Variants in GASK1A observed in about 807,000 individuals in gnomAD.
GASK1A encodes the protein golgi associated kinase 1A.
Under a neutral mutation model 41.2 loss-of-function variants are expected in GASK1A, and 40 were observed. The observed-to-expected ratio is 0.97, with a 90% CI of 0.75 to 1.27. The LOEUF is 1.27. Among genes scored for constraint, GASK1A ranks in the 50% most tolerant of loss-of-function variants. The pLI is 0.00. For missense variants in GASK1A, 678 were observed against 745.1 expected (o/e 0.91, Z 1.05); for synonymous variants, 316 against 307.1 (o/e 1.03, Z -0.30).
At chr3:43,002,245 T>G (rs555661036) in intron 1 of GASK1A, among the ~76,000 whole-genome samples, 2 of 152,274 alleles carry the variant, frequency 1.3e-5, no homozygotes, top group Admixed American at 6.5e-5. Flanking sequence ...TTTATTTTGT[T>G]GAGACAAAAG....
intron 1 of GASK1A, among the ~76,000 whole-genome samples, chr3:42,997,165 G>A (rs559516071): frequency 1.3e-5 from 2 of 152,262 alleles, no homozygotes; most frequent in East Asian, 3.9e-4. Context: ...TTTTCTTCCT[G>A]CCCACCCTCT....
At chr3:42,986,464 G>C (rs546772597) in intron 1 of GASK1A, among the ~76,000 whole-genome samples, 2 of 152,280 alleles carry the variant, frequency 1.3e-5, no homozygotes, top group African/African-American at 4.8e-5. Context: ...CAGGTTTACT[G>C]TATGTAAATT....
chr3:43,016,809 G>A (rs1238232098), intron 1 of GASK1A, among the ~76,000 whole-genome samples: 1 of 151,872 alleles, frequency 6.6e-6, no homozygotes, highest in Non-Finnish European at 1.5e-5. Flanking sequence ...GAATGTCACA[G>A]GAAGGGGCCA....
At chr3:43,050,619 C>G (rs2089684475) in intron 2 of GASK1A, among the ~76,000 whole-genome samples, 2 of 151,976 alleles carry the variant, frequency 1.3e-5, no homozygotes, top group Admixed American at 1.3e-4. Flanking sequence ...CATCATCCTC[C>G]CTTCCTTTTA....
At chr3:43,025,623 C>T (rs2089543294) in intron 1 of GASK1A, among the ~76,000 whole-genome samples, 1 of 152,172 alleles carries the variant, frequency 6.6e-6, no homozygotes, top group Non-Finnish European at 1.5e-5. Context: ...GCACTCGATT[C>T]ACACAAAGCT....
chr3:42,996,630 G>T (rs1223571891), intron 1 of GASK1A, among the ~76,000 whole-genome samples: 1 of 152,256 alleles, frequency 6.6e-6, no homozygotes, highest in Non-Finnish European at 1.5e-5. Flanking sequence ...CCACAGTGGA[G>T]TTGGGATCAA....
intron 1 of GASK1A, among the ~76,000 whole-genome samples, chr3:43,005,106 T>C (rs2089429480): frequency 6.6e-6 from 1 of 152,204 alleles, no homozygotes; most frequent in Admixed American, 6.5e-5. Flanking sequence ...GCCTTCTTGC[T>C]TCCCTCTTAA....
chr3:43,006,310 G>A (rs1482986862), intron 1 of GASK1A, among the ~76,000 whole-genome samples: 2 of 152,012 alleles, frequency 1.3e-5, no homozygotes, highest in African/African-American at 4.8e-5. Flanking sequence ...TGCATCCCAT[G>A]TCTTCCTCTT....
chr3:43,053,419 C>T, intron 2 of GASK1A, 102 bp from the exon 3 acceptor site: 1 of 1,346,138 alleles, frequency 7.4e-7, no homozygotes, highest in African/African-American at 1.5e-5. Context: ...CTGCTGTGGC[C>T]CCAGGGTCAT....
At chr3:43,025,565 A>G (rs1449894272) in intron 1 of GASK1A, among the ~76,000 whole-genome samples, 1 of 152,162 alleles carries the variant, frequency 6.6e-6, no homozygotes, top group Admixed American at 6.5e-5. Context: ...AAGGGCTTCA[A>G]GGGTGGTCTT....
intron 4 of GASK1A, 150 bp downstream of exon 4, chr3:43,055,685 C>A (rs2089712790): frequency 3.2e-6 from 2 of 634,576 alleles, no homozygotes; most frequent in South Asian, 3.7e-5. Context: ...TGGTGGGGAG[C>A]CCTGGGAAAG....
At chr3:43,036,137 C>T (rs998063393) in intron 2 of GASK1A, among the ~76,000 whole-genome samples, 39 of 152,258 alleles carry the variant, frequency 2.6e-4, no homozygotes, top group African/African-American at 9.2e-4. Context: ...TCTTCCTCAG[C>T]TGCCAACCCC....
intron 1 of GASK1A, 34 bp downstream of exon 1, chr3:42,979,679 G>A (rs906161773): frequency 5.6e-6 from 7 of 1,245,842 alleles, no homozygotes; most frequent in African/African-American, 1.6e-5. Context: ...GCGAGCGGAG[G>A]GTGGGGCGAT....
intron 1 of GASK1A, among the ~76,000 whole-genome samples, chr3:42,981,050 T>G (rs2089280563): frequency 6.6e-6 from 1 of 152,150 alleles, no homozygotes; most frequent in South Asian, 2.1e-4. Context: ...GTACCTGCCT[T>G]CTGCTCAGGC....
intron 1 of GASK1A, among the ~76,000 whole-genome samples, chr3:43,001,979 T>C (rs2089411845): frequency 6.6e-6 from 1 of 152,184 alleles, no homozygotes; most frequent in Non-Finnish European, 1.5e-5. Flanking sequence ...CTGTCACGTA[T>C]GCTCTCCCTT....
intron 1 of GASK1A, among the ~76,000 whole-genome samples, chr3:42,990,114 G>A (rs916632971): frequency 1.3e-5 from 2 of 151,552 alleles, no homozygotes; most frequent in Admixed American, 6.6e-5. Context: ...GGATCCCTTG[G>A]TTCAGGAGTT....
intron 1 of GASK1A, among the ~76,000 whole-genome samples, chr3:43,027,347 C>G (rs2089551514): frequency 6.6e-6 from 1 of 152,090 alleles, no homozygotes; most frequent in African/African-American, 2.4e-5. Flanking sequence ...TCCTATTGTA[C>G]CAATGCGTAT....
intron 1 of GASK1A, among the ~76,000 whole-genome samples, chr3:43,008,343 C>T (rs2089446791): frequency 6.6e-6 from 1 of 152,210 alleles, no homozygotes; most frequent in South Asian, 2.1e-4. Flanking sequence ...TCCACGCCTC[C>T]ATGGTGCCAC....
intron 1 of GASK1A, among the ~76,000 whole-genome samples, chr3:42,985,530 AGGCT>A (rs2089303637): frequency 6.8e-6 from 1 of 147,938 alleles, no homozygotes; most frequent in Non-Finnish European, 1.5e-5. Flanking sequence ...CAGTTTATTG[AGGCT>A]GCCTGTGCAT....
Sources: allele counts gnomAD v4.1 joint callset (sites outside exome capture counted in the v4.1 genomes callset), GRCh38; gene constraint gnomAD v4.1.1; transcripts MANE v1.5; gene names NCBI Gene and HGNC (gene_info 2026-07-23, HGNC 2026-07-21).